The following LRP1B variants were observed in gnomAD, a reference collection of about 807,000 sequenced individuals.
LRP1B encodes low-density lipoprotein receptor-related protein 1B.
Under a neutral mutation model 556.6 loss-of-function variants are expected in LRP1B, and 217 were observed. The ratio of observed to expected loss-of-function variants is 0.39; its 90% CI spans 0.35 to 0.44. The LOEUF (loss-of-function observed/expected upper bound fraction) is 0.44, where lower values mean the gene tolerates loss of function less well. Among genes scored for constraint, LRP1B ranks in the 20% least tolerant of loss-of-function variants. The pLI is 1.00. For synonymous variants in LRP1B, 2,047 were observed against 1,865.8 expected, an observed-to-expected ratio of 1.10 and a Z score of -2.50; for missense variants, 5,053 against 5,620.8, an observed-to-expected ratio of 0.90 and a Z score of 3.23.
intron 1 of LRP1B, among the ~76,000 whole-genome samples, chr2:142,003,291 A>G (rs921279): frequency 0.037 from 5,685 of 152,324 alleles, 143 homozygotes; most frequent in South Asian, 0.11. Flanking sequence ...AGTTGTCAAT[A>G]TACATTCACT....
chr2:141,622,607 G>A (rs1383404248), intron 2 of LRP1B, among the ~76,000 whole-genome samples: 1 of 152,202 alleles, frequency 6.6e-6, no homozygotes. Context: ...CCAGGACTAT[G>A]TAAGAATCCA....
intron 3 of LRP1B, among the ~76,000 whole-genome samples, chr2:141,382,330 C>G (rs1488476471): frequency 6.6e-6 from 1 of 152,194 alleles, no homozygotes; most frequent in Non-Finnish European, 1.5e-5. Context: ...GATGGGCTTG[C>G]CAGCCTCTGT....
chr2:141,855,824 C>A (rs1698031761), intron 1 of LRP1B, among the ~76,000 whole-genome samples: 1 of 152,138 alleles, frequency 6.6e-6, no homozygotes, highest in African/African-American at 2.4e-5. Context: ...AATAAAACAA[C>A]TATTTCATAC....
chr2:140,379,438 G>A (rs555646561), intron 67 of LRP1B, among the ~76,000 whole-genome samples: 6 of 152,174 alleles, frequency 3.9e-5, no homozygotes, highest in Admixed American at 2.0e-4. Flanking sequence ...GCTCACGCCT[G>A]TAATCTCAGC....
intron 3 of LRP1B, among the ~76,000 whole-genome samples, chr2:141,265,425 G>T (rs1684847607): frequency 6.6e-6 from 1 of 152,264 alleles, no homozygotes; most frequent in South Asian, 2.1e-4. Context: ...CCCAGTGGAG[G>T]CCCTCATGCT....
chr2:141,996,204 G>A (rs191738562), intron 1 of LRP1B, among the ~76,000 whole-genome samples: 48 of 71,284 alleles, frequency 6.7e-4, no homozygotes, highest in African/African-American at 2.2e-3. Context: ...GCAACAGAGC[G>A]AGACTCAAAA....
At chr2:140,684,563 G>A (rs979681904) in intron 41 of LRP1B, among the ~76,000 whole-genome samples, 6 of 152,058 alleles carry the variant, frequency 3.9e-5, no homozygotes, top group African/African-American at 1.4e-4. Flanking sequence ...AGAAGTTTTT[G>A]CCATTTTCAG....
At chr2:140,441,362 A>G (rs1686419678) in intron 66 of LRP1B, among the ~76,000 whole-genome samples, 2 of 152,212 alleles carry the variant, frequency 1.3e-5, no homozygotes. Context: ...GGTAATTGCT[A>G]TGGACAAATT....
chr2:141,847,439 C>A (rs1697691807), intron 1 of LRP1B, among the ~76,000 whole-genome samples: 1 of 151,366 alleles, frequency 6.6e-6, no homozygotes, highest in South Asian at 2.1e-4. Context: ...ATCTAGACAA[C>A]TGATTTTTTT....
intron 3 of LRP1B, among the ~76,000 whole-genome samples, chr2:141,405,785 T>C (rs1690611406): frequency 6.6e-6 from 1 of 152,154 alleles, no homozygotes; most frequent in African/African-American, 2.4e-5. Context: ...GATAAAAATT[T>C]GGCATTTTGG....
chr2:141,585,597 C>G (rs1164482539), intron 2 of LRP1B, among the ~76,000 whole-genome samples: 14 of 151,944 alleles, frequency 9.2e-5, no homozygotes, highest in Non-Finnish European at 2.1e-4. Context: ...CTAAATATGC[C>G]TGTGTGTGTG....
At chr2:141,981,146 C>G (rs1486196359) in intron 1 of LRP1B, among the ~76,000 whole-genome samples, 1 of 151,986 alleles carries the variant, frequency 6.6e-6, no homozygotes, top group African/African-American at 2.4e-5. Context: ...TGAGAAGAGA[C>G]CATCTACTGC....
At chr2:140,625,108 C>T (rs1304520827) in intron 41 of LRP1B, among the ~76,000 whole-genome samples, 1 of 152,130 alleles carries the variant, frequency 6.6e-6, no homozygotes, top group Non-Finnish European at 1.5e-5. Flanking sequence ...TTTAACCAAA[C>T]TATGAACAGT....
At chr2:140,950,730 A>C (rs1437608096) in intron 19 of LRP1B, among the ~76,000 whole-genome samples, 1 of 151,978 alleles carries the variant, frequency 6.6e-6, no homozygotes, top group African/African-American at 2.4e-5. Context: ...GGCCTCAAGC[A>C]ATCCACCCTC....
At chr2:141,331,508 TTCTTTCTTTCTTTC>T (rs1313402904) in intron 3 of LRP1B, among the ~76,000 whole-genome samples, 1 of 65,880 alleles carries the variant, frequency 1.5e-5, no homozygotes, top group Non-Finnish European at 3.3e-5. Context: ...CTTTCCTTCT[TTCTTTCTTTCTTTC>T]TCTTTCTTTC....
At chr2:141,928,028 T>C (rs1425556537) in intron 1 of LRP1B, among the ~76,000 whole-genome samples, 1 of 152,104 alleles carries the variant, frequency 6.6e-6, no homozygotes, top group Non-Finnish European at 1.5e-5. Flanking sequence ...CCTTCCTGTT[T>C]ACAGCTGTCT....
chr2:141,919,784 C>T (rs1433337011), intron 1 of LRP1B, among the ~76,000 whole-genome samples: 2 of 151,948 alleles, frequency 1.3e-5, no homozygotes, highest in South Asian at 2.1e-4. Context: ...CTTTTGACAC[C>T]TTATGAAGTG....
At chr2:142,128,609 A>G (rs1707740427) in intron 1 of LRP1B, among the ~76,000 whole-genome samples, 1 of 152,228 alleles carries the variant, frequency 6.6e-6, no homozygotes, top group South Asian at 2.1e-4. Context: ...TGAGAATTTT[A>G]GCTCTTTGCT....
At chr2:141,648,906 T>C (rs1689682298) in intron 2 of LRP1B, among the ~76,000 whole-genome samples, 1 of 152,214 alleles carries the variant, frequency 6.6e-6, no homozygotes, top group African/African-American at 2.4e-5. Flanking sequence ...AAATTGTTTC[T>C]TACTCTACAC....
Sources: gnomAD v4.1 joint callset for allele counts (sites outside exome capture counted in the v4.1 genomes callset) on GRCh38, gnomAD v4.1.1 for gene constraint, MANE v1.5 for transcripts, NCBI Gene and HGNC (gene_info 2026-07-23, HGNC 2026-07-21) for gene names.